The following CADM2 variants were observed in gnomAD, a reference collection of about 807,000 sequenced individuals.
CADM2 encodes the protein immunoglobulin superfamily member 4D.
In CADM2, 12 loss-of-function variants were observed where a neutral mutation model predicts 49.8. The observed-to-expected ratio is 0.24, with a 90% CI of 0.15 to 0.39. CADM2 has a LOEUF of 0.39. CADM2 is among the 10% of genes least tolerant of loss of function. CADM2 has a pLI of 1.00. For synonymous variants in CADM2, 214 were observed against 175.4 expected (o/e 1.22, Z -1.74); for missense variants, 378 against 492.3 (o/e 0.77, Z 2.20).
chr3:85,603,416 C>G (rs897421585), intron 1 of CADM2, among the ~76,000 whole-genome samples: 1 of 151,802 alleles, frequency 6.6e-6, no homozygotes, highest in Admixed American at 6.6e-5. Context: ...TTTTTCTCAA[C>G]AAGTTGTTAG....
chr3:85,241,680 G>A (rs1224501422), intron 1 of CADM2, among the ~76,000 whole-genome samples: 4 of 151,436 alleles, frequency 2.6e-5, no homozygotes, highest in Non-Finnish European at 4.4e-5. Flanking sequence ...GTAGAAATAA[G>A]TTATCATAAA....
intron 3 of CADM2, among the ~76,000 whole-genome samples, chr3:85,866,090 A>G (rs556706344): frequency 6.6e-6 from 1 of 152,276 alleles, no homozygotes; most frequent in South Asian, 2.1e-4. Context: ...GTGAGCCCAC[A>G]TGGCGCCATT....
chr3:85,325,573 C>G (rs2044728815), intron 1 of CADM2, among the ~76,000 whole-genome samples: 1 of 151,650 alleles, frequency 6.6e-6, no homozygotes, highest in Admixed American at 6.6e-5. Context: ...AGCCAGGCGC[C>G]CAGCTACTGG....
In CADM2 at chr3:85,308,340, C is replaced by CAA. The variant is rs1553707069; in HGVS notation, c.61+348673_61+348674dup. On this transcript the variant is annotated intron_variant, in intron 1 of 9. Coordinates refer to ENST00000383699, the MANE Select transcript of CADM2 (RefSeq NM_001167675.2). ...ACACACACACACACACACACACACA[C>CAA]AACACTCCATGTTACAAGCCTATAA... 4.0e-3 allele frequency among the ~76,000 whole-genome samples: 602 copies of CAA among 149,240 alleles called. 2 individuals carry two copies. The highest frequency in any genetic ancestry group is 0.027 in the Middle Eastern group (8 of 292).
intron 1 of CADM2, among the ~76,000 whole-genome samples, chr3:85,457,988 CT>C (rs11365888): frequency 0.53 from 79,893 of 151,924 alleles, 23,151 homozygotes; most frequent in East Asian, 0.83. Context: ...CTCAGGAATA[CT>C]TTTATCATCT....
At chr3:85,634,091 T>A (rs1478625514) in intron 1 of CADM2, among the ~76,000 whole-genome samples, 1 of 151,984 alleles carries the variant, frequency 6.6e-6, no homozygotes, top group Non-Finnish European at 1.5e-5. Context: ...CGACTGCTCA[T>A]AGGGCCTTTT....
chr3:85,787,315 C>T (rs953880124), intron 2 of CADM2, among the ~76,000 whole-genome samples: 6 of 152,010 alleles, frequency 3.9e-5, no homozygotes, highest in Non-Finnish European at 8.8e-5. Flanking sequence ...AAATTAAAAT[C>T]ACGAAATTGT....
At chr3:85,863,981 C>T (rs913361659) in intron 3 of CADM2, among the ~76,000 whole-genome samples, 15 of 151,842 alleles carry the variant, frequency 9.9e-5, no homozygotes, top group East Asian at 3.9e-4. Context: ...GGAAGGGCTG[C>T]GTGTATTGGT....
chr3:85,922,391 T>A (rs1307621801), intron 6 of CADM2, among the ~76,000 whole-genome samples: 1 of 152,136 alleles, frequency 6.6e-6, no homozygotes, highest in Non-Finnish European at 1.5e-5. Context: ...GGCCACACTT[T>A]TTTTGTTTTA....
intron 1 of CADM2, among the ~76,000 whole-genome samples, chr3:85,084,023 C>T (rs898375225): frequency 6.6e-6 from 1 of 152,110 alleles, no homozygotes. Flanking sequence ...TTATTATATG[C>T]CCTGCTGTTT....
rs1179967499 is a variant in CADM2 at position 85,034,790 on chromosome 3, C to CTTTTTTTTTTT, written c.61+75136_61+75146dup. Among the ~76,000 whole-genome samples, 340 of 84,050 alleles carry CTTTTTTTTTTT rather than the reference C, an allele frequency of 4.0e-3. 15 individuals are homozygous for CTTTTTTTTTTT. The highest frequency in any genetic ancestry group is 6.0e-3 in the Non-Finnish European group (276 of 46,342). 55.1% of individuals were successfully genotyped at this position (84,050 alleles called of 152,430 possible). A position where few individuals can be genotyped will look rare whatever the true frequency, so the allele number is the denominator to read the frequency against. On this transcript the variant is annotated intron_variant, in intron 1 of 9. Coordinates refer to ENST00000383699, the MANE Select transcript of CADM2 (RefSeq NM_001167675.2). ...TATCTTTTAGATAAAAGACATTTTG[C>CTTTTTTTTTTT]TTTTTTTTTTTTTTTTTTTTTTTTA... is the stretch of plus-strand genomic sequence containing the variant.
intron 2 of CADM2, among the ~76,000 whole-genome samples, chr3:85,735,926 A>C (rs2068114469): frequency 6.6e-6 from 1 of 152,114 alleles, no homozygotes; most frequent in African/African-American, 2.4e-5. Flanking sequence ...TAAATGTGAA[A>C]TTTAGAAGAA....
intron 8 of CADM2, among the ~76,000 whole-genome samples, chr3:86,062,034 A>T (rs1197283764): frequency 6.6e-6 from 1 of 152,052 alleles, no homozygotes. Context: ...TACATTGACA[A>T]TATTTATCAA....
intron 8 of CADM2, among the ~76,000 whole-genome samples, chr3:86,050,756 C>T (rs1445919084): frequency 6.6e-6 from 1 of 152,092 alleles, no homozygotes; most frequent in African/African-American, 2.4e-5. Context: ...CCACTTGAGT[C>T]ACAATTAGAG....
chr3:86,064,956 T>C (rs1318977266), intron 8 of CADM2, among the ~76,000 whole-genome samples: 1 of 152,192 alleles, frequency 6.6e-6, no homozygotes, highest in Non-Finnish European at 1.5e-5. Context: ...ACCCCTGCTT[T>C]CCCGCCAAAA....
At chr3:85,359,152 G>A (rs996746064) in intron 1 of CADM2, among the ~76,000 whole-genome samples, 4 of 152,074 alleles carry the variant, frequency 2.6e-5, no homozygotes, top group African/African-American at 4.8e-5. Flanking sequence ...AACTCAGTAT[G>A]CTATATTTCA....
intron 3 of CADM2, among the ~76,000 whole-genome samples, chr3:85,837,455 A>G (rs1403347303): frequency 6.6e-6 from 1 of 151,662 alleles, no homozygotes; most frequent in African/African-American, 2.4e-5. Flanking sequence ...AATATTAAGG[A>G]AGAAAAATTC....
At chr3:85,342,535 C>A (rs1448702569) in intron 1 of CADM2, among the ~76,000 whole-genome samples, 1 of 151,914 alleles carries the variant, frequency 6.6e-6, no homozygotes, top group Admixed American at 6.6e-5. Context: ...AGAGGGCTGA[C>A]AAACAAAACG....
At chr3:85,721,283 T>C (rs1200976260) in intron 1 of CADM2, among the ~76,000 whole-genome samples, 15 of 152,200 alleles carry the variant, frequency 9.9e-5, no homozygotes, top group Non-Finnish European at 1.9e-4. Flanking sequence ...TGCAAATACA[T>C]TTGAATCAAG....
Sources: gnomAD v4.1 joint callset for allele counts (sites outside exome capture counted in the v4.1 genomes callset) on GRCh38, gnomAD v4.1.1 for gene constraint, MANE v1.5 for transcripts, NCBI Gene and HGNC (gene_info 2026-07-23, HGNC 2026-07-21) for gene names.